Variants in SIRT5 observed in about 807,000 individuals in gnomAD.
SIRT5 encodes the protein sirtuin 5, also known as NAD-dependent protein deacylase sirtuin-5, mitochondrial.
A neutral mutation model predicts 40.0 loss-of-function variants in SIRT5; 26 were observed. The observed-to-expected ratio is 0.65, with a 90% CI of 0.48 to 0.90. The LOEUF (loss-of-function observed/expected upper bound fraction) is 0.90. Among genes scored for constraint, SIRT5 ranks in the 40% least tolerant of loss-of-function variants. SIRT5 has a pLI of 0.00. For synonymous variants in SIRT5, 146 were observed against 149.1 expected, an observed-to-expected ratio of 0.98 and a Z score of 0.15; for missense variants, 401 against 402.4, an observed-to-expected ratio of 1.00 and a Z score of 0.03.
chr6:13,585,852 CCCA>C (rs1470830664), intron 3 of SIRT5, among the ~76,000 whole-genome samples: 2 of 152,216 alleles, frequency 1.3e-5, no homozygotes, highest in South Asian at 4.1e-4. Context: ...AATTTACACT[CCCA>C]CCAACAGTGT....
intron 1 of SIRT5, among the ~76,000 whole-genome samples, chr6:13,575,382 G>C (rs965354884): frequency 6.6e-6 from 1 of 152,114 alleles, no homozygotes; most frequent in Non-Finnish European, 1.5e-5. Flanking sequence ...GTGATGGAAC[G>C]GGAGGGAATG....
chr6:13,605,487 C>G (rs201428171), intron 9 of SIRT5: 413 of 985,322 alleles, frequency 4.2e-4, no homozygotes, highest in Middle Eastern at 5.2e-4. Flanking sequence ...AGAATGCTGC[C>G]TATATTTTAA....
At chr6:13,600,745 C>G in intron 8 of SIRT5, 89 bp from the exon 9 acceptor site, 1 of 1,026,842 alleles carries the variant, frequency 9.7e-7, no homozygotes, top group Non-Finnish European at 1.4e-6. Flanking sequence ...AACCACAGAC[C>G]TGCCTGAGTT....
Position 13,607,790 on chromosome 6 carries a change from G to T in SIRT5, c.858-4000G>T, listed in dbSNP as rs1298154112. ...GATGTTTGAGACAGAGTCTGGCTCT[G>T]TTGCCCAGGCTGGACTGCAGTGGCA... is the stretch of plus-strand genomic sequence containing the variant. On this transcript the variant is annotated intron_variant, in intron 9 of 9. Coordinates refer to ENST00000606117, the MANE Select transcript of SIRT5 (RefSeq NM_012241.5). The surrounding 1 kb of genome is among the most constrained non-coding windows in gnomAD (Gnocchi z 4.0). Among the ~76,000 whole-genome samples, 7 of 152,226 alleles carry T rather than the reference G, an allele frequency of 4.6e-5. No individual in the cohort carries two copies. Among genetic ancestry groups the T allele is most frequent in the African/African-American group, 1.7e-4 (7 of 41,466 alleles).
intron 9 of SIRT5, among the ~76,000 whole-genome samples, chr6:13,602,728 C>T (rs1176191489): frequency 6.6e-6 from 1 of 152,164 alleles, no homozygotes; most frequent in Admixed American, 6.5e-5. Flanking sequence ...TGGATACCCA[C>T]ATGCAAAAGA....
chr6:13,583,806 C>T (rs902143695), intron 2 of SIRT5, among the ~76,000 whole-genome samples: 2 of 152,094 alleles, frequency 1.3e-5, no homozygotes, highest in African/African-American at 4.8e-5. Context: ...CGCTGCTGGT[C>T]TAGGGAACAC....
At chr6:13,581,768 GA>G (rs1380576595) in intron 2 of SIRT5, among the ~76,000 whole-genome samples, 1 of 152,122 alleles carries the variant, frequency 6.6e-6, no homozygotes, top group African/African-American at 2.4e-5. Context: ...ACCGATATCA[GA>G]CAGGGCCACT....
intron 3 of SIRT5, among the ~76,000 whole-genome samples, chr6:13,584,734 G>A (rs1254613422): frequency 6.6e-6 from 1 of 151,990 alleles, no homozygotes; most frequent in East Asian, 1.9e-4. Context: ...ACATTTTGTT[G>A]CTTCTGCCAG....
At chr6:13,592,778 A>AT (rs1283932302) in intron 5 of SIRT5, among the ~76,000 whole-genome samples, 3 of 152,046 alleles carry the variant, frequency 2.0e-5, no homozygotes, top group Non-Finnish European at 4.4e-5. Flanking sequence ...AATCTAAAAC[A>AT]TCCACTTGTC....
At position 13,588,352 on chromosome 6, in the gene SIRT5, T is replaced by G. The variant is rs1419708930; in HGVS notation, c.137T>G (p.Phe46Cys). The change falls in exon 4 of 10, where the codon TTT (phenylalanine) becomes TGT (cysteine). Residue 46 changes from phenylalanine to cysteine, a missense_variant. Coordinates refer to ENST00000606117, the MANE Select transcript of SIRT5 (RefSeq NM_012241.5). Reference protein sequence around the residue: ...PSSSMADFRKFFAKAKHIVII... With the variant: ...PSSSMADFRKCFAKAKHIVII... ...TTAGGTATGGCAGATTTTCGAAAGT[T>G]TTTTGCAAAAGCAAAGCACATAGTC... The G allele has an allele frequency of 4.3e-6, 7 of 1,613,982 alleles. No homozygotes were observed. Among genetic ancestry groups the G allele is most frequent in the South Asian group, 1.1e-5 (1 of 91,016 alleles).
chr6:13,611,337 A>G (rs1385002820), intron 9 of SIRT5, among the ~76,000 whole-genome samples: 1 of 149,982 alleles, frequency 6.7e-6, no homozygotes, highest in Non-Finnish European at 1.5e-5. Flanking sequence ...CGTGTTATAT[A>G]GATACACATA....
At chr6:13,595,862 C>T (rs1761508979) in intron 6 of SIRT5, among the ~76,000 whole-genome samples, 2 of 152,072 alleles carry the variant, frequency 1.3e-5, no homozygotes, top group Non-Finnish European at 2.9e-5. Flanking sequence ...TGTGGTGGCA[C>T]ATGCCTGTAG....
intron 7 of SIRT5, among the ~76,000 whole-genome samples, chr6:13,598,123 A>G (rs763443413): frequency 6.6e-6 from 1 of 152,152 alleles, no homozygotes; most frequent in African/African-American, 2.4e-5. Flanking sequence ...AATTTTCCTC[A>G]TGAGGGTTTT....
At chr6:13,604,965 A>G (rs1021609228) in intron 9 of SIRT5, 11 of 989,120 alleles carry the variant, frequency 1.1e-5, no homozygotes, top group African/African-American at 5.2e-5. Flanking sequence ...TAACTGATCA[A>G]TGAAGCCAGC....
chr6:13,583,871 C>T (rs1412029137), intron 2 of SIRT5, among the ~76,000 whole-genome samples: 1 of 152,134 alleles, frequency 6.6e-6, no homozygotes, highest in African/African-American at 2.4e-5. Flanking sequence ...CACTTGAGAA[C>T]ACAAACGGAA....
chr6:13,603,326 G>T (rs532130188), intron 9 of SIRT5, among the ~76,000 whole-genome samples: 3 of 148,960 alleles, frequency 2.0e-5, no homozygotes, highest in African/African-American at 7.4e-5. Flanking sequence ...GAAAATATTT[G>T]TAAGTCTAAT....
intron 4 of SIRT5, chr6:13,588,973 A>G (rs1584775323): frequency 6.5e-6 from 1 of 153,396 alleles, no homozygotes. Flanking sequence ...ACCAGTTTTA[A>G]GTGTACAATT....
At chr6:13,576,831 G>A (rs925147069) in intron 1 of SIRT5, among the ~76,000 whole-genome samples, 29 of 152,136 alleles carry the variant, frequency 1.9e-4, no homozygotes, top group Non-Finnish European at 2.9e-5. Flanking sequence ...TTTGTATATG[G>A]TGTGAGATAA....
At position 13,585,407 on chromosome 6, in the gene SIRT5, G is replaced by A. The variant is rs575361079; in HGVS notation, c.115+1182G>A. 1.8e-4 allele frequency among the ~76,000 whole-genome samples: 18 copies of A among 97,344 alleles called. No individual in the cohort carries two copies. In the South Asian group the frequency reaches 2.1e-3, roughly 11 times the overall value. 63.9% of individuals were successfully genotyped at this position (97,344 alleles called of 152,430 possible). On this transcript the variant is annotated intron_variant, in intron 3 of 9. Coordinates refer to ENST00000606117, the MANE Select transcript of SIRT5 (RefSeq NM_012241.5). ...TCCCTCCCCAAGCCCACCACCCCCC[G>A]ACAGGCCCCAGTGTGTGATGTTACC...
Sources: allele counts gnomAD v4.1 joint callset (sites outside exome capture counted in the v4.1 genomes callset), GRCh38; gene constraint gnomAD v4.1.1; non-coding constraint Gnocchi (gnomAD v3.1); transcripts MANE v1.5; gene names NCBI Gene and HGNC (gene_info 2026-07-23, HGNC 2026-07-21).